Variants in ACACA observed in about 807,000 individuals in gnomAD.
The protein encoded by ACACA is acetyl-CoA carboxylase alpha.
ACACA carries 103 observed loss-of-function variants against 296.1 expected under a neutral mutation model. The observed-to-expected ratio is 0.35, with a 90% CI of 0.30 to 0.41. The LOEUF (loss-of-function observed/expected upper bound fraction) is 0.41, where lower values mean the gene tolerates loss of function less well. Among genes scored for constraint, ACACA ranks in the 10% least tolerant of loss-of-function variants. The pLI, the probability that ACACA is intolerant of heterozygous loss-of-function variation, is 1.00. For missense variants in ACACA, 1,554 were observed against 2,989.7 expected, an observed-to-expected ratio of 0.52 and a Z score of 11.20; for synonymous variants, 953 against 1,038.6, an observed-to-expected ratio of 0.92 and a Z score of 1.58.
At chr17:37,347,756 AAAAG>A (rs1009204757) in intron 1 of ACACA, among the ~76,000 whole-genome samples, 16 of 148,624 alleles carry the variant, frequency 1.1e-4, no homozygotes, top group South Asian at 6.2e-4. Flanking sequence ...AAAAAAAAAA[AAAAG>A]AAAGAAAGAA....
chr17:37,364,036 T>C (rs567798641), intron 1 of ACACA, among the ~76,000 whole-genome samples: 81 of 152,092 alleles, frequency 5.3e-4, no homozygotes, highest in Admixed American at 1.4e-3. Flanking sequence ...GGCAGGAGAA[T>C]TGTTTGAACC....
chr17:37,192,332 A>C, intron 36 of ACACA, 27 bp from the exon 37 acceptor site: 1 of 1,600,806 alleles, frequency 6.2e-7, no homozygotes, highest in Non-Finnish European at 8.5e-7. Flanking sequence ...GAGAAAAAAC[A>C]GCTCACAAGA....
At chr17:37,244,468 A>C in intron 21 of ACACA, 120 bp downstream of exon 21, 2 of 1,214,332 alleles carry the variant, frequency 1.6e-6, no homozygotes, top group South Asian at 1.2e-5. Context: ...AAGGTGAAAG[A>C]GTTCTAGGCC....
At chr17:37,166,040 C>A (rs568045541) in intron 41 of ACACA, among the ~76,000 whole-genome samples, 1 of 152,132 alleles carries the variant, frequency 6.6e-6, no homozygotes, top group Non-Finnish European at 1.5e-5. Context: ...CCATCTTGAA[C>A]GATTATAGCA....
At chr17:37,268,733 C>CTATATATA (rs1402309165) in intron 10 of ACACA, among the ~76,000 whole-genome samples, 46 of 70,788 alleles carry the variant, frequency 6.5e-4, no homozygotes, top group African/African-American at 2.7e-3. Context: ...ATCTATCTAT[C>CTATATATA]TATCTATCTA....
chr17:37,308,434 T>C (rs2083982626), intron 3 of ACACA, among the ~76,000 whole-genome samples: 1 of 152,130 alleles, frequency 6.6e-6, no homozygotes, highest in African/African-American at 2.4e-5. Flanking sequence ...AAATGCTAAT[T>C]GCCAATATCA....
chr17:37,185,485 A>G lies in ACACA; in HGVS notation c.4776+2792T>C, dbSNP rs1038845079. ...TGGCTAGTGTCAAACTCCTGGGCTC[A>G]TGTGATCCTCCCACCTTGGTCTCCC... On this transcript the variant is annotated intron_variant, in intron 39 of 55. Coordinates refer to ENST00000616317, the MANE Select transcript of ACACA (RefSeq NM_198834.3). Among the ~76,000 whole-genome samples the G allele has an allele frequency of 2.2e-5, 3 of 138,282 alleles. No individual in the cohort carries two copies. In the East Asian group the frequency reaches 6.4e-4, roughly 29 times the overall value. The allele number at this position is 138,282 out of a possible 152,430, so 90.7% of individuals were successfully genotyped here.
chr17:37,287,789 G>A (rs770405392), intron 3 of ACACA, among the ~76,000 whole-genome samples: 38 of 151,428 alleles, frequency 2.5e-4, no homozygotes, highest in Middle Eastern at 3.5e-3. Flanking sequence ...ACAGTTCAGA[G>A]TCTAGCAGCT....
At chr17:37,221,042 G>C (rs566068470) in intron 29 of ACACA, among the ~76,000 whole-genome samples, 1 of 152,276 alleles carries the variant, frequency 6.6e-6, no homozygotes, top group South Asian at 2.1e-4. Context: ...GATTTTCATT[G>C]CCTTAGAATA....
intron 1 of ACACA, among the ~76,000 whole-genome samples, chr17:37,384,817 T>A (rs2147768220): frequency 6.6e-6 from 1 of 152,328 alleles, no homozygotes; most frequent in South Asian, 2.1e-4. Context: ...CAGTGCCTGG[T>A]ACTATGGCCA....
intron 47 of ACACA, among the ~76,000 whole-genome samples, chr17:37,127,856 A>AG (rs2074873984): frequency 6.7e-6 from 1 of 149,858 alleles, no homozygotes; most frequent in African/African-American, 2.5e-5. Context: ...AAAAAAAAAA[A>AG]GAAAAAGAAA....
chr17:37,248,006 C>T lies in ACACA; in HGVS notation c.2309+5G>A. On this transcript the variant is annotated splice_donor_5th_base_variant and intron_variant, in intron 18 of 55. Coordinates refer to ENST00000616317, the MANE Select transcript of ACACA (RefSeq NM_198834.3). ...CCAGCAAATGGACCTCAAACAGCCACTTACCTATCCACTTCCTCTTTCATA... is the reference window on the plus strand; with the variant it reads ...CCAGCAAATGGACCTCAAACAGCCATTTACCTATCCACTTCCTCTTTCATA... 1 of 1,614,000 alleles carries T rather than the reference C, an allele frequency of 6.2e-7. No individual in the cohort carries two copies. Among genetic ancestry groups the T allele is most frequent in the Non-Finnish European group, 8.5e-7 (1 of 1,180,014 alleles).
Position 37,179,370 on chromosome 17 carries a change from C to T in ACACA, c.4969G>A (p.Ala1657Thr), listed in dbSNP as rs749657231. 19 of 1,613,972 alleles carry T rather than the reference C, an allele frequency of 1.2e-5. No homozygotes were observed. The East Asian group carries it at 2.5e-4, about 21-fold the overall frequency. ...GGCAGAGGGGGAGATGGAAGAAATG[C>T]TTGAGTGGACATAGACTCCCAGAGT... ...IKLWESMSTQ[A>T]FLPSPPLPSD... The change falls in exon 41 of 56, where the codon GCA becomes ACA. Residue 1657 changes from alanine (A) to threonine (T), a missense_variant. This residue lies in a region of ACACA where 553 missense variants were observed against 1,043.6 expected (regional missense o/e 0.53). Transcript: ENST00000616317.
rs576716041 is a variant in ACACA at position 37,191,973 on chromosome 17, A to T, written c.4416+117T>A. On this transcript the variant is annotated intron_variant, in intron 37 of 55. Transcript: ENST00000616317. ...CAAGAACCTTGATTCAAAAAATGAA[A>T]ACCTGATCTTTTTTTTATGTTCTCT... The T allele has an allele frequency of 2.2e-5, 24 of 1,071,654 alleles. No individual in the cohort carries two copies. The Admixed American group carries it at 2.6e-4, about 12-fold the overall frequency. 66.4% of individuals were successfully genotyped at this position (1,071,654 alleles called of 1,614,324 possible). A position where few individuals can be genotyped will look rare whatever the true frequency, so the allele number is the denominator to read the frequency against.
At chr17:37,317,985 G>A (rs2047173966) in intron 3 of ACACA, among the ~76,000 whole-genome samples, 3 of 152,116 alleles carry the variant, frequency 2.0e-5, no homozygotes, top group Non-Finnish European at 4.4e-5. Flanking sequence ...CATGGCAACT[G>A]GGAACCTCAG....
intron 6 of ACACA, among the ~76,000 whole-genome samples, chr17:37,277,501 GT>G (rs528684024): frequency 3.9e-5 from 6 of 152,290 alleles, no homozygotes; most frequent in African/African-American, 1.4e-4. Context: ...TAAGTTTAGA[GT>G]TTTTTCCTCT....
intron 16 of ACACA, among the ~76,000 whole-genome samples, chr17:37,251,168 T>C (rs2080975683): frequency 6.6e-6 from 1 of 152,228 alleles, no homozygotes. Flanking sequence ...TTACAGATTA[T>C]ATGTTGCAGA....
At chr17:37,236,635 G>A (rs907619694) in intron 24 of ACACA, among the ~76,000 whole-genome samples, 1 of 152,126 alleles carries the variant, frequency 6.6e-6, no homozygotes, top group Non-Finnish European at 1.5e-5. Flanking sequence ...GACCAGGCTG[G>A]CCAACAGGGT....
chr17:37,185,943 T>A (rs1416204959), intron 39 of ACACA, among the ~76,000 whole-genome samples: 1 of 152,152 alleles, frequency 6.6e-6, no homozygotes, highest in Non-Finnish European at 1.5e-5. Flanking sequence ...AAATCTCTTC[T>A]CCCCATTATG....
Sources: allele counts gnomAD v4.1 joint callset (sites outside exome capture counted in the v4.1 genomes callset), GRCh38; gene constraint gnomAD v4.1.1; regional missense constraint gnomAD v4.1.1; transcripts MANE v1.5; gene names NCBI Gene and HGNC (gene_info 2026-07-23, HGNC 2026-07-21).